Variants in PITPNC1 observed in about 807,000 individuals in gnomAD.
PITPNC1 encodes the protein cytoplasmic phosphatidylinositol transfer protein 1.
A neutral mutation model predicts 44.7 loss-of-function variants in PITPNC1; 18 were observed. That is an observed-to-expected ratio of 0.40 (90% CI 0.28 to 0.60). PITPNC1 has a LOEUF of 0.60. Among genes scored for constraint, PITPNC1 ranks in the 20% least tolerant of loss-of-function variants. The pLI is 0.39. For synonymous variants in PITPNC1, 141 were observed against 149.6 expected, an observed-to-expected ratio of 0.94 and a Z score of 0.42; for missense variants, 290 against 418.4, an observed-to-expected ratio of 0.69 and a Z score of 2.68.
chr17:67,487,773 G>C (rs1184028877), intron 1 of PITPNC1, among the ~76,000 whole-genome samples: 2 of 152,148 alleles, frequency 1.3e-5, no homozygotes, highest in African/African-American at 4.8e-5. Flanking sequence ...CTGAGGGTGG[G>C]GGAGCAGGAT....
chr17:67,447,730 C>T lies in PITPNC1; in HGVS notation c.48+69528C>T, dbSNP rs936411059. Among the ~76,000 whole-genome samples the T allele has an allele frequency of 6.0e-5, 9 of 150,038 alleles. No homozygotes were observed. The South Asian group carries it at 6.2e-4, about 10-fold the overall frequency. On this transcript the variant is annotated intron_variant, in intron 1 of 8. Coordinates refer to ENST00000581322, the MANE Select transcript of PITPNC1 (RefSeq NM_012417.4). ...CTGCTTGGAGTCAGCAGAGGTCTTA[C>T]GCGACAGTCCTTGGAATGGTGGAAG...
intron 5 of PITPNC1, among the ~76,000 whole-genome samples, chr17:67,608,825 G>A (rs1406817996): frequency 2.6e-5 from 4 of 151,650 alleles, no homozygotes; most frequent in Admixed American, 2.0e-4. Context: ...TTTGTCTCTC[G>A]TGACACTGAC....
At chr17:67,596,567 G>A (rs1344793260) in intron 5 of PITPNC1, among the ~76,000 whole-genome samples, 1 of 152,108 alleles carries the variant, frequency 6.6e-6, no homozygotes, top group Non-Finnish European at 1.5e-5. Context: ...CTGGAGTGCA[G>A]TGGCCCGATC....
In PITPNC1 at chr17:67,507,683, CAAA is replaced by C. The variant is rs59838492; in HGVS notation, c.49-25096_49-25094del. On this transcript the variant is annotated intron_variant, in intron 1 of 8. Transcript: ENST00000581322. ...TGGGTGACAGGGCAAGACTTGGTCT[CAAA>C]AAAAAAAAAAAAAAAAAAAAAAGAG... 6.5e-3 allele frequency among the ~76,000 whole-genome samples: 515 copies of C among 79,436 alleles called. 2 individuals are homozygous for C. The highest frequency in any genetic ancestry group is 0.021 in the African/African-American group (393 of 18,794). The allele number at this position is 79,436 out of a possible 152,430, so 52.1% of individuals were successfully genotyped here. A position where few individuals can be genotyped will look rare whatever the true frequency, so the allele number is the denominator to read the frequency against.
chr17:67,692,593 G>T lies in PITPNC1; in HGVS notation c.704G>T (p.Arg235Leu). Reference protein sequence around the residue: ...EWYDMTMDEVREFERATQEAT... With the variant: ...EWYDMTMDEVLEFERATQEAT... ...GAAGACATGACAATGGATGAAGTCC[G>T]AGAATTTGAACGAGCCACTCAGGAA... The change falls in exon 9 of 9, where the codon CGA becomes CTA. Residue 235 changes from arginine to leucine, a missense_variant. Coordinates refer to ENST00000581322, the MANE Select transcript of PITPNC1 (RefSeq NM_012417.4). 6.2e-7 allele frequency: 1 copy of T among 1,613,316 alleles called. No individual in the cohort carries two copies. The highest frequency in any genetic ancestry group is 8.5e-7 in the Non-Finnish European group (1 of 1,179,408).
At chr17:67,568,040 A>G (rs1445561920) in intron 4 of PITPNC1, among the ~76,000 whole-genome samples, 2 of 152,224 alleles carry the variant, frequency 1.3e-5, no homozygotes, top group Non-Finnish European at 2.9e-5. Flanking sequence ...AAATCCACAC[A>G]AAAACTCGCA....
intron 5 of PITPNC1, among the ~76,000 whole-genome samples, chr17:67,609,704 C>G (rs1203602848): frequency 6.6e-6 from 1 of 151,794 alleles, no homozygotes; most frequent in Non-Finnish European, 1.5e-5. Context: ...TCTTTCTATC[C>G]TGTGCTCTGA....
chr17:67,423,445 G>T (rs1213977905), intron 1 of PITPNC1, among the ~76,000 whole-genome samples: 2 of 152,206 alleles, frequency 1.3e-5, no homozygotes, highest in Non-Finnish European at 2.9e-5. Context: ...AGGCAAGGAT[G>T]TGGGCTTGGT....
In PITPNC1 at chr17:67,460,215, C is replaced by G. The variant is rs565894025; in HGVS notation, c.49-72587C>G. Among the ~76,000 whole-genome samples the G allele has an allele frequency of 2.6e-5, 4 of 152,268 alleles. No homozygotes were observed. In the South Asian group the frequency reaches 8.3e-4, roughly 32 times the overall value. On this transcript the variant is annotated intron_variant, in intron 1 of 8. Transcript: ENST00000581322. The stretch of plus-strand genomic sequence containing the variant: ...TGATTTTCCATGCCTTCCGTGTCAG[C>G]CCCTGGATTGCCATTGTTCCTTAGA...
chr17:67,462,808 T>G (rs1364468577), intron 1 of PITPNC1, among the ~76,000 whole-genome samples: 2 of 151,844 alleles, frequency 1.3e-5, no homozygotes, highest in East Asian at 3.9e-4. Context: ...GTTCAAGCGA[T>G]TCTCCTGCCT....
intron 6 of PITPNC1, among the ~76,000 whole-genome samples, chr17:67,656,997 G>A (rs2042276517): frequency 6.6e-6 from 1 of 152,166 alleles, no homozygotes; most frequent in African/African-American, 2.4e-5. Context: ...ACCCAAGTGA[G>A]AAAATGAGAA....
At chr17:67,647,669 C>T (rs1334536252) in intron 6 of PITPNC1, among the ~76,000 whole-genome samples, 1 of 151,810 alleles carries the variant, frequency 6.6e-6, no homozygotes, top group African/African-American at 2.4e-5. Context: ...AACCCATCTA[C>T]AGACCCTAAT....
intron 5 of PITPNC1, among the ~76,000 whole-genome samples, chr17:67,602,654 G>A (rs944868459): frequency 1.3e-5 from 2 of 152,186 alleles, no homozygotes; most frequent in Non-Finnish European, 2.9e-5. Flanking sequence ...CCAATGAGGC[G>A]TGTGGCTAGA....
chr17:67,587,672 C>T (rs1333283516), intron 5 of PITPNC1, among the ~76,000 whole-genome samples: 2 of 152,124 alleles, frequency 1.3e-5, no homozygotes, highest in East Asian at 3.8e-4. Flanking sequence ...TCCAGCTTCT[C>T]GTTGTTATCT....
At chr17:67,446,827 C>G (rs1019697264) in intron 1 of PITPNC1, among the ~76,000 whole-genome samples, 2 of 151,774 alleles carry the variant, frequency 1.3e-5, no homozygotes, top group Non-Finnish European at 2.9e-5. Context: ...TGGTGGCTCA[C>G]GCCTGTAATC....
At chr17:67,683,047 C>A (rs1418548566) in intron 8 of PITPNC1, among the ~76,000 whole-genome samples, 2 of 151,438 alleles carry the variant, frequency 1.3e-5, no homozygotes, top group African/African-American at 4.9e-5. Context: ...GTAATCCCAG[C>A]TACTTGGGAG....
rs556518748 is a variant in PITPNC1, at chr17:67,537,439, A to T, written c.197+4489A>T. Among the ~76,000 whole-genome samples the T allele has an allele frequency of 6.2e-4, 95 of 152,340 alleles. 1 individual carries two copies. The highest frequency in any genetic ancestry group is 1.8e-3 in the Admixed American group (27 of 15,312). ...TAATAGCGAAAATATAATTTAAAAA[A>T]TTTTTTGTTTATAATAGAAAAAGAA... On this transcript the variant is annotated intron_variant, in intron 2 of 8. Transcript: ENST00000581322.
intron 1 of PITPNC1, among the ~76,000 whole-genome samples, chr17:67,496,913 TA>T (rs879367785): frequency 0.01 from 1,486 of 143,162 alleles, 6 homozygotes; most frequent in African/African-American, 0.023. Flanking sequence ...TACCATAGTT[TA>T]AAAAAAAAAA....
chr17:67,425,203 G>GCACGCACACACACACACACA (rs1555649746), intron 1 of PITPNC1, among the ~76,000 whole-genome samples: 10 of 98,780 alleles, frequency 1.0e-4, no homozygotes, highest in East Asian at 3.6e-4. Context: ...GCACGCACAC[G>GCACGCACACACACACACACA]CACACACACA....
Sources: gnomAD v4.1 joint callset for allele counts (sites outside exome capture counted in the v4.1 genomes callset) on GRCh38, gnomAD v4.1.1 for gene constraint, MANE v1.5 for transcripts, NCBI Gene and HGNC (gene_info 2026-07-23, HGNC 2026-07-21) for gene names.